The following MSI2 variants were observed in gnomAD, a reference collection of about 807,000 sequenced individuals.
MSI2 encodes musashi RNA binding protein 2.
In MSI2, 17 loss-of-function variants were observed where a neutral mutation model predicts 45.6. The ratio of observed to expected loss-of-function variants is 0.37; its 90% CI spans 0.26 to 0.56. The LOEUF is 0.56. MSI2 is among the 20% of genes least tolerant of loss of function. The pLI, the probability that MSI2 is intolerant of heterozygous loss-of-function variation, is 0.77. For missense variants in MSI2, 293 were observed against 444.2 expected (o/e 0.66, Z 3.06); for synonymous variants, 156 against 158.2 (o/e 0.99, Z 0.11).
chr17:57,305,654 A>G (rs1442307050), intron 5 of MSI2, among the ~76,000 whole-genome samples: 1 of 152,174 alleles, frequency 6.6e-6, no homozygotes, highest in Non-Finnish European at 1.5e-5. Flanking sequence ...CTCTCACAAC[A>G]ACCCTGGAGG....
chr17:57,283,984 G>T (rs985777723), intron 5 of MSI2, among the ~76,000 whole-genome samples: 1 of 152,174 alleles, frequency 6.6e-6, no homozygotes, highest in African/African-American at 2.4e-5. Flanking sequence ...ATCTTTAAGG[G>T]GATCTAGTGC....
chr17:57,387,902 A>G (rs997795606), intron 5 of MSI2, among the ~76,000 whole-genome samples: 8 of 152,184 alleles, frequency 5.3e-5, no homozygotes, highest in Non-Finnish European at 7.3e-5. Context: ...AGCATGTTTC[A>G]TGTGTTATCT....
chr17:57,455,472 C>T (rs1453441981), intron 6 of MSI2, among the ~76,000 whole-genome samples: 1 of 152,162 alleles, frequency 6.6e-6, no homozygotes, highest in Non-Finnish European at 1.5e-5. Context: ...AAAGGGGGGC[C>T]AGCTCTCAGC....
chr17:57,466,048 G>A (rs1220648691), intron 6 of MSI2, among the ~76,000 whole-genome samples: 4 of 152,156 alleles, frequency 2.6e-5, no homozygotes. Context: ...TCCCCCTGAG[G>A]AGTGTGGGCA....
intron 8 of MSI2, among the ~76,000 whole-genome samples, chr17:57,614,209 C>T (rs1315205530): frequency 6.6e-6 from 1 of 152,084 alleles, no homozygotes; most frequent in Non-Finnish European, 1.5e-5. Context: ...TGCCACCACA[C>T]CTGGCTAATT....
chr17:57,675,242 C>A, intron 12 of MSI2, 116 bp downstream of exon 12: 1 of 1,022,420 alleles, frequency 9.8e-7, no homozygotes, highest in Non-Finnish European at 1.4e-6. Context: ...CAGAGGGTCC[C>A]CATCAACATC....
chr17:57,269,779 G>A (rs552856942), intron 5 of MSI2, among the ~76,000 whole-genome samples: 7 of 152,274 alleles, frequency 4.6e-5, no homozygotes, highest in African/African-American at 7.2e-5. Flanking sequence ...TGTGTGTCCC[G>A]TGGCTCAGAG....
intron 7 of MSI2, among the ~76,000 whole-genome samples, chr17:57,575,780 T>C (rs866717377): frequency 1.5e-4 from 22 of 151,646 alleles, no homozygotes; most frequent in Admixed American, 4.6e-4. Context: ...CCCGCCTCTA[T>C]TAAAAATACA....
intron 6 of MSI2, among the ~76,000 whole-genome samples, chr17:57,484,151 C>T (rs1271122258): frequency 6.6e-6 from 1 of 152,248 alleles, no homozygotes; most frequent in Non-Finnish European, 1.5e-5. Context: ...AGGCCATTCT[C>T]TCTGGCTCAC....
chr17:57,686,538 A>G (rs1567979918), downstream of MSI2, among the ~76,000 whole-genome samples: 1 of 152,220 alleles, frequency 6.6e-6, no homozygotes, highest in Non-Finnish European at 1.5e-5. Context: ...ACTTAAAGTG[A>G]TGAAAATGGC....
chr17:57,304,291 A>C (rs560552592), intron 5 of MSI2, among the ~76,000 whole-genome samples: 1 of 133,552 alleles, frequency 7.5e-6, no homozygotes, highest in South Asian at 2.8e-4. Flanking sequence ...CAGGAGGTGG[A>C]GGTTGCGGTG....
chr17:57,349,410 C>CA (rs1424377755), intron 5 of MSI2, among the ~76,000 whole-genome samples: 1 of 152,182 alleles, frequency 6.6e-6, no homozygotes, highest in Non-Finnish European at 1.5e-5. Flanking sequence ...GTGGTAAACT[C>CA]AAAGTTTTTC....
intron 7 of MSI2, among the ~76,000 whole-genome samples, chr17:57,540,953 T>C (rs2087031760): frequency 6.6e-6 from 1 of 152,040 alleles, no homozygotes; most frequent in South Asian, 2.1e-4. Context: ...GTCCTGGTGG[T>C]CAGACTTATC....
At chr17:57,415,975 A>T (rs1023791704) in intron 6 of MSI2, among the ~76,000 whole-genome samples, 12 of 152,238 alleles carry the variant, frequency 7.9e-5, no homozygotes, top group African/African-American at 2.7e-4. Flanking sequence ...GCAAGGAGTC[A>T]CAATATTTTC....
chr17:57,671,723 G>T (rs1283135125), intron 11 of MSI2: 1 of 151,762 alleles, frequency 6.6e-6, no homozygotes, highest in Non-Finnish European at 1.5e-5. Context: ...TGCAAAAGAA[G>T]AAAATTGCTT....
intron 5 of MSI2, among the ~76,000 whole-genome samples, chr17:57,347,232 A>G (rs1915683393): frequency 6.6e-6 from 1 of 152,200 alleles, no homozygotes; most frequent in Non-Finnish European, 1.5e-5. Flanking sequence ...CATAGATAAT[A>G]AGGATGCAGT....
intron 5 of MSI2, among the ~76,000 whole-genome samples, chr17:57,300,912 G>T (rs1911368162): frequency 6.6e-6 from 1 of 152,166 alleles, no homozygotes; most frequent in African/African-American, 2.4e-5. Context: ...TGGGAATTAT[G>T]AGAGCTACAA....
intron 7 of MSI2, among the ~76,000 whole-genome samples, chr17:57,556,588 C>T (rs113224790): frequency 2.6e-5 from 4 of 152,242 alleles, no homozygotes; most frequent in African/African-American, 9.6e-5. Context: ...CCCATGTGGG[C>T]TCCTGAGGCA....
At chr17:57,259,216 A>G (rs1359852825) in intron 4 of MSI2, among the ~76,000 whole-genome samples, 1 of 152,036 alleles carries the variant, frequency 6.6e-6, no homozygotes, top group African/African-American at 2.4e-5. Flanking sequence ...TTATTAATAT[A>G]TATCTGCCCC....
Sources: gnomAD v4.1 joint callset for allele counts (sites outside exome capture counted in the v4.1 genomes callset) on GRCh38, gnomAD v4.1.1 for gene constraint, MANE v1.5 for transcripts, NCBI Gene and HGNC (gene_info 2026-07-23, HGNC 2026-07-21) for gene names.